SLC24A2: variants seen among roughly 807,000 people sequenced by gnomAD.
SLC24A2 encodes the protein sodium/potassium/calcium exchanger 2.
Under a neutral mutation model 62.0 loss-of-function variants are expected in SLC24A2, and 36 were observed. The ratio of observed to expected loss-of-function variants is 0.58; its 90% CI spans 0.44 to 0.77. SLC24A2 has a LOEUF of 0.77. Ranked by LOEUF, SLC24A2 falls within the 30% of genes least tolerant of loss-of-function variation. The pLI is 0.00. For synonymous variants in SLC24A2, 358 were observed against 294.0 expected (o/e 1.22, Z -2.23); for missense variants, 846 against 817.9 (o/e 1.03, Z -0.42).
the SLC24A2 span, among the ~76,000 whole-genome samples, chr9:19,950,896 C>G: frequency 0.056 from 8,529 of 152,226 alleles, 321 homozygotes; most frequent in African/African-American, 0.1. Context: ...TAAAATCTGT[C>G]CAGGGCCAGA....
Position 19,511,450 on chromosome 9 carries a change from C to T in SLC24A2, c.*4703G>A, listed in dbSNP as rs924584249. 1 of 152,100 alleles carries T rather than the reference C, an allele frequency of 6.6e-6. No homozygotes were observed. Among genetic ancestry groups the T allele is most frequent in the Non-Finnish European group, 1.5e-5 (1 of 68,014 alleles). The allele number at this position is 152,100 out of a possible 1,614,324, so 9.4% of individuals were successfully genotyped here. ...GCTAAACATAGCCTGATATTTGTTA[C>T]TGTTTTAAACTACATAGGGATATAT... On this transcript the variant is annotated 3_prime_UTR_variant, in exon 11 of 11. Transcript: ENST00000341998.
Position 19,591,312 on chromosome 9 carries a change from C to T in SLC24A2, c.1129+5917G>A, listed in dbSNP as rs199685041. ...TGCTCAAGCTCCCTCTTATAGCTTGCTCTATTCTCAGTCTTCTCCACCAAC... is the reference window on the plus strand; with the variant it reads ...TGCTCAAGCTCCCTCTTATAGCTTGTTCTATTCTCAGTCTTCTCCACCAAC... On this transcript the variant is annotated intron_variant, in intron 5 of 10. Coordinates refer to ENST00000341998, the MANE Select transcript of SLC24A2 (RefSeq NM_020344.4). Among the ~76,000 whole-genome samples the T allele has an allele frequency of 3.3e-5, 5 of 152,306 alleles. No individual in the cohort carries two copies. In the East Asian group the frequency reaches 7.7e-4, roughly 24 times the overall value.
the SLC24A2 span, among the ~76,000 whole-genome samples, chr9:20,177,053 T>C: frequency 6.6e-6 from 1 of 152,172 alleles, no homozygotes; most frequent in Admixed American, 6.6e-5. Flanking sequence ...TTTTAAATTA[T>C]TACCATGGTT....
At chr9:19,616,820 C>T (rs1817780453) in intron 4 of SLC24A2, among the ~76,000 whole-genome samples, 2 of 152,026 alleles carry the variant, frequency 1.3e-5, no homozygotes, top group African/African-American at 4.8e-5. Context: ...ATTGGGAACC[C>T]TGATTTATGC....
chr9:19,893,166 A>T, the SLC24A2 span, among the ~76,000 whole-genome samples: 2 of 152,194 alleles, frequency 1.3e-5, no homozygotes, highest in Non-Finnish European at 2.9e-5. Context: ...AGAAGCAAGT[A>T]GGGCAGGGAG....
the SLC24A2 span, among the ~76,000 whole-genome samples, chr9:20,105,322 C>G: frequency 6.6e-6 from 1 of 151,388 alleles, no homozygotes; most frequent in African/African-American, 2.4e-5. Flanking sequence ...ACCCAGGAAT[C>G]GAACTCAGCT....
the SLC24A2 span, among the ~76,000 whole-genome samples, chr9:20,050,652 A>G: frequency 6.6e-6 from 1 of 152,048 alleles, no homozygotes; most frequent in Admixed American, 6.6e-5. Flanking sequence ...AGATGTATCA[A>G]CTCTATTTGA....
chr9:19,730,764 A>G (rs889010769), intron 2 of SLC24A2, among the ~76,000 whole-genome samples: 3 of 152,170 alleles, frequency 2.0e-5, no homozygotes, highest in African/African-American at 4.8e-5. Context: ...CATGCTTAAA[A>G]TATTTTTCGA....
At chr9:20,235,928 C>T in the SLC24A2 span, among the ~76,000 whole-genome samples, 24 of 152,178 alleles carry the variant, frequency 1.6e-4, no homozygotes, top group Non-Finnish European at 2.9e-4. Flanking sequence ...TCACTGTAAG[C>T]TTTCCAAGGA....
At chr9:20,253,100 T>C in the SLC24A2 span, among the ~76,000 whole-genome samples, 1 of 152,228 alleles carries the variant, frequency 6.6e-6, no homozygotes, top group Non-Finnish European at 1.5e-5. Flanking sequence ...GTGGGAATTT[T>C]AGGATAGGCT....
the SLC24A2 span, among the ~76,000 whole-genome samples, chr9:20,007,262 G>C: frequency 6.6e-6 from 1 of 152,186 alleles, no homozygotes; most frequent in Non-Finnish European, 1.5e-5. Flanking sequence ...AGATGTAATA[G>C]GTTTCATCTT....
chr9:19,540,549 C>G (rs969566497), intron 8 of SLC24A2, among the ~76,000 whole-genome samples: 1 of 149,488 alleles, frequency 6.7e-6, no homozygotes, highest in African/African-American at 2.5e-5. Context: ...TCTCTTCTGG[C>G]TTGTAGGGTT....
chr9:20,249,142 T>A, the SLC24A2 span, among the ~76,000 whole-genome samples: 71 of 152,212 alleles, frequency 4.7e-4, no homozygotes, highest in African/African-American at 1.7e-3. Context: ...GGGCTTCAAT[T>A]TTTCATGGGA....
intron 2 of SLC24A2, among the ~76,000 whole-genome samples, chr9:19,706,423 A>C (rs1180917643): frequency 7.4e-6 from 1 of 136,034 alleles, no homozygotes; most frequent in Admixed American, 8.3e-5. Flanking sequence ...TCTGTCGCCC[A>C]TGCTGGAGTG....
chr9:19,871,258 A>T, the SLC24A2 span, among the ~76,000 whole-genome samples: 1 of 152,164 alleles, frequency 6.6e-6, no homozygotes, highest in Non-Finnish European at 1.5e-5. Flanking sequence ...TGTTGACTGA[A>T]CATAATTCAT....
At chr9:20,048,216 G>C in the SLC24A2 span, among the ~76,000 whole-genome samples, 1 of 152,166 alleles carries the variant, frequency 6.6e-6, no homozygotes, top group Non-Finnish European at 1.5e-5. Flanking sequence ...GTAATGCTTA[G>C]CACACTGCCT....
chr9:20,273,184 T>C, the SLC24A2 span, among the ~76,000 whole-genome samples: 1 of 152,154 alleles, frequency 6.6e-6, no homozygotes, highest in Admixed American at 6.5e-5. Flanking sequence ...TTCCTGGAAA[T>C]TGAGAAGACA....
At chr9:20,088,728 C>A in the SLC24A2 span, among the ~76,000 whole-genome samples, 4 of 152,170 alleles carry the variant, frequency 2.6e-5, no homozygotes, top group African/African-American at 9.7e-5. Flanking sequence ...TTTTTTTATG[C>A]AGGTCTCTGA....
chr9:19,910,897 CTTTT>C, the SLC24A2 span, among the ~76,000 whole-genome samples: 17 of 5,086 alleles, frequency 3.3e-3, no homozygotes, highest in Middle Eastern at 0.17. Flanking sequence ...TTTTTTTTTT[CTTTT>C]CTTTTCTTTT....
Sources: gnomAD v4.1 joint callset for allele counts (sites outside exome capture counted in the v4.1 genomes callset) on GRCh38, gnomAD v4.1.1 for gene constraint, MANE v1.5 for transcripts, NCBI Gene and HGNC (gene_info 2026-07-23, HGNC 2026-07-21) for gene names.